Variants in XKR9 observed in about 807,000 individuals in gnomAD.
XKR9 encodes the protein XK-related protein 9.
In XKR9, 32 loss-of-function variants were observed where a neutral mutation model predicts 32.0. The ratio of observed to expected loss-of-function variants is 1.00; its 90% CI spans 0.76 to 1.34. The LOEUF (loss-of-function observed/expected upper bound fraction) is 1.34. Among genes scored for constraint, XKR9 ranks in the 40% most tolerant of loss-of-function variants. The pLI is 0.00. For missense variants in XKR9, 546 were observed against 429.7 expected, an observed-to-expected ratio of 1.27 and a Z score of -2.39; for synonymous variants, 168 against 143.4, an observed-to-expected ratio of 1.17 and a Z score of -1.22.
chr8:70,781,930 T>C (rs1464327054), intron 2 of XKR9, among the ~76,000 whole-genome samples: 1 of 152,204 alleles, frequency 6.6e-6, no homozygotes. Flanking sequence ...ATTTACACTA[T>C]GGATTTAGGA....
At chr8:70,897,483 A>G in the XKR9 span, among the ~76,000 whole-genome samples, 1 of 152,168 alleles carries the variant, frequency 6.6e-6, no homozygotes, top group Non-Finnish European at 1.5e-5. Flanking sequence ...GGTTATACTA[A>G]TTTACATTAC....
chr8:70,944,142 C>CA, the XKR9 span, among the ~76,000 whole-genome samples: 47,846 of 149,368 alleles, frequency 0.32, 8,779 homozygotes, highest in Non-Finnish European at 0.43. Context: ...TTCCCCCCGC[C>CA]AAAAAAAAAA....
At chr8:70,995,408 G>A in the XKR9 span, among the ~76,000 whole-genome samples, 5 of 152,010 alleles carry the variant, frequency 3.3e-5, no homozygotes, top group Admixed American at 6.5e-5. Flanking sequence ...ATGGCATATG[G>A]CCCCACATAT....
chr8:70,715,717 GA>G (rs1227941538), intron 4 of XKR9, among the ~76,000 whole-genome samples: 2 of 151,798 alleles, frequency 1.3e-5, no homozygotes, highest in East Asian at 3.9e-4. Context: ...GATTTGAGAG[GA>G]AAAAAAGTAA....
chr8:70,921,234 G>T, the XKR9 span, among the ~76,000 whole-genome samples: 1 of 152,230 alleles, frequency 6.6e-6, no homozygotes, highest in Non-Finnish European at 1.5e-5. Flanking sequence ...TAAAGGCAAG[G>T]AGGCTGCTAT....
At chr8:70,811,164 A>G in the XKR9 span, among the ~76,000 whole-genome samples, 1 of 152,320 alleles carries the variant, frequency 6.6e-6, no homozygotes, top group East Asian at 1.9e-4. Flanking sequence ...CTACATGGAA[A>G]CTGAACAACC....
At chr8:70,791,488 G>T (rs758555392), downstream of XKR9, among the ~76,000 whole-genome samples, 15 of 152,042 alleles carry the variant, frequency 9.9e-5, no homozygotes, top group Non-Finnish European at 1.8e-4. Context: ...AGGTGATTAG[G>T]CCACGAGGGC....
intron 2 of XKR9, among the ~76,000 whole-genome samples, chr8:70,779,734 A>G (rs913823122): frequency 2.0e-5 from 3 of 151,892 alleles, no homozygotes; most frequent in African/African-American, 7.3e-5. Context: ...TTTGTAATTT[A>G]TTTGCTTAGA....
chr8:70,956,685 G>A, the XKR9 span, among the ~76,000 whole-genome samples: 1 of 152,210 alleles, frequency 6.6e-6, no homozygotes, highest in Non-Finnish European at 1.5e-5. Flanking sequence ...GGTACCCCAA[G>A]TCTGGAGGTG....
the XKR9 span, among the ~76,000 whole-genome samples, chr8:70,834,161 A>C: frequency 1.3e-5 from 2 of 151,932 alleles, no homozygotes; most frequent in Non-Finnish European, 2.9e-5. Context: ...TATAATATAT[A>C]GTGTTTTGCA....
rs571441043 is a variant in XKR9 at position 70,714,432 on chromosome 8, T to C, written c.493+7279T>C. ...TATTTTAATACTCTTTTCTCTAAAT[T>C]TGTGGCTTTGTACTCTCTGATTGGC... On this transcript the variant is annotated intron_variant, in intron 4 of 4. Coordinates refer to ENST00000408926, the MANE Select transcript of XKR9 (RefSeq NM_001011720.2). 1.1e-3 allele frequency among the ~76,000 whole-genome samples: 160 copies of C among 151,190 alleles called. 1 individual carries two copies. The highest frequency in any genetic ancestry group is 6.8e-3 in the Middle Eastern group (2 of 294).
At chr8:71,045,913 G>T in the XKR9 span, among the ~76,000 whole-genome samples, 1 of 152,156 alleles carries the variant, frequency 6.6e-6, no homozygotes, top group Non-Finnish European at 1.5e-5. Context: ...GAAAGAGGAA[G>T]GCTGCCACGT....
At chr8:71,020,894 T>C in the XKR9 span, among the ~76,000 whole-genome samples, 17 of 152,330 alleles carry the variant, frequency 1.1e-4, no homozygotes, top group Admixed American at 6.5e-5. Context: ...TGTCTTAGTC[T>C]GTTTAGTGTT....
the XKR9 span, among the ~76,000 whole-genome samples, chr8:70,881,290 G>A: frequency 6.6e-6 from 1 of 152,080 alleles, no homozygotes; most frequent in Non-Finnish European, 1.5e-5. Flanking sequence ...AAACTAAAGA[G>A]CTTCTGCACA....
intron 3 of XKR9, among the ~76,000 whole-genome samples, chr8:70,685,611 A>G (rs956563678): frequency 6.6e-6 from 1 of 151,074 alleles, no homozygotes; most frequent in African/African-American, 2.4e-5. Flanking sequence ...GGAAATCATC[A>G]TTCTCAGTAA....
the XKR9 span, among the ~76,000 whole-genome samples, chr8:70,840,140 C>G: frequency 6.6e-6 from 1 of 152,054 alleles, no homozygotes; most frequent in Non-Finnish European, 1.5e-5. Context: ...TCAGCAGTGA[C>G]CTTGATGGGG....
chr8:70,980,838 G>A, the XKR9 span, among the ~76,000 whole-genome samples: 8 of 152,232 alleles, frequency 5.3e-5, no homozygotes, highest in African/African-American at 1.9e-4. Context: ...GCTTTGTAGT[G>A]GCAAATTATC....
the XKR9 span, among the ~76,000 whole-genome samples, chr8:70,810,508 G>A: frequency 2.6e-5 from 4 of 152,150 alleles, no homozygotes; most frequent in African/African-American, 7.2e-5. Flanking sequence ...ATTGGATAAA[G>A]AGTCAAGACC....
chr8:70,781,488 G>A (rs868750414), intron 2 of XKR9, among the ~76,000 whole-genome samples: 3 of 151,200 alleles, frequency 2.0e-5, no homozygotes, highest in Admixed American at 6.6e-5. Flanking sequence ...GTCAAATCAC[G>A]GTAATCAGCA....
Sources: gnomAD v4.1 joint callset for allele counts (sites outside exome capture counted in the v4.1 genomes callset) on GRCh38, gnomAD v4.1.1 for gene constraint, MANE v1.5 for transcripts, NCBI Gene and HGNC (gene_info 2026-07-23, HGNC 2026-07-21) for gene names.